Variants in NXN observed in about 807,000 individuals in gnomAD.
NXN encodes the protein nucleoredoxin.
Under a neutral mutation model 48.6 loss-of-function variants are expected in NXN, and 16 were observed. That is an observed-to-expected ratio of 0.33 (90% confidence interval 0.22 to 0.50). The LOEUF is 0.50. Ranked by LOEUF, NXN falls within the 20% of genes least tolerant of loss-of-function variation. NXN has a pLI of 0.98. For missense variants in NXN, 492 were observed against 605.5 expected, an observed-to-expected ratio of 0.81 and a Z score of 1.97; for synonymous variants, 281 against 269.6, an observed-to-expected ratio of 1.04 and a Z score of -0.41.
At chr17:848,076 T>C (rs2067884359) in intron 1 of NXN, among the ~76,000 whole-genome samples, 2 of 151,916 alleles carry the variant, frequency 1.3e-5, no homozygotes, top group Non-Finnish European at 2.9e-5. Flanking sequence ...CTGTGGTCCC[T>C]GACACCCTCA....
chr17:904,095 T>G (rs921661282), intron 1 of NXN, among the ~76,000 whole-genome samples: 3 of 152,214 alleles, frequency 2.0e-5, no homozygotes, highest in Non-Finnish European at 4.4e-5. Flanking sequence ...TCATGTAGAA[T>G]TCCTGCCAAG....
chr17:943,695 G>A (rs780509949), intron 1 of NXN, among the ~76,000 whole-genome samples: 99 of 151,532 alleles, frequency 6.5e-4, no homozygotes, highest in Non-Finnish European at 1.1e-3. Flanking sequence ...GGTGATGCAC[G>A]CCTGTAATCC....
At chr17:804,938 G>A in intron 6 of NXN, 130 bp downstream of exon 6, 2 of 979,796 alleles carry the variant, frequency 2.0e-6, no homozygotes, top group Non-Finnish European at 3.1e-6. Context: ...AGGCTTCAGG[G>A]AGAGACAAAG....
In NXN at chr17:919,929, T is replaced by C. The variant is rs1023641167; in HGVS notation, c.360+59390A>G. On this transcript the variant is annotated intron_variant, in intron 1 of 7. Transcript: ENST00000336868. This position sits in a 1 kb window ranked among gnomAD's most constrained non-coding sequence, Gnocchi z 5.1. Reference sequence around the variant, plus strand: ...CCAGGCCATGGCGGAAAATGTACCTTCCATCTCTCTCTGCCTCAGCCCCCA... The same window carrying C: ...CCAGGCCATGGCGGAAAATGTACCTCCCATCTCTCTCTGCCTCAGCCCCCA... Among the ~76,000 whole-genome samples, 4 of 151,982 alleles carry C rather than the reference T, an allele frequency of 2.6e-5. No homozygotes were observed. The highest frequency in any genetic ancestry group is 9.7e-5 in the African/African-American group (4 of 41,380).
intron 1 of NXN, among the ~76,000 whole-genome samples, chr17:852,315 T>A (rs1280905027): frequency 2.0e-5 from 3 of 152,040 alleles, no homozygotes; most frequent in Non-Finnish European, 2.9e-5. Flanking sequence ...AGTCGGGGCG[T>A]CTCCAGCAGG....
At chr17:847,461 C>T (rs1230446949) in intron 1 of NXN, among the ~76,000 whole-genome samples, 3 of 152,108 alleles carry the variant, frequency 2.0e-5, no homozygotes, top group Admixed American at 6.6e-5. Context: ...GAGCCTGGCA[C>T]GTGAAGGCTT....
intron 1 of NXN, among the ~76,000 whole-genome samples, chr17:889,381 G>A (rs931271366): frequency 6.6e-6 from 1 of 152,236 alleles, no homozygotes; most frequent in Admixed American, 6.5e-5. Flanking sequence ...AAGACCACAG[G>A]AAGGTAGAAA....
intron 5 of NXN, among the ~76,000 whole-genome samples, chr17:818,870 G>A (rs545485121): frequency 1.4e-5 from 2 of 146,260 alleles, no homozygotes; most frequent in East Asian, 3.9e-4. Context: ...GGGCAACAGA[G>A]TGAGACTCCG....
chr17:883,766 CG>C (rs1597692227), intron 1 of NXN, among the ~76,000 whole-genome samples: 1 of 152,296 alleles, frequency 6.6e-6, no homozygotes, highest in Non-Finnish European at 1.5e-5. Context: ...GCAGCAAAGC[CG>C]CAAGATCTAA....
intron 1 of NXN, among the ~76,000 whole-genome samples, chr17:954,506 G>A (rs2069145203): frequency 2.0e-5 from 3 of 152,200 alleles, no homozygotes; most frequent in Admixed American, 1.3e-4. Context: ...GCACGTGTCC[G>A]GGGCTGTCCT....
At position 849,887 on chromosome 17, in the gene NXN, C is replaced by T. The variant is rs764863195; in HGVS notation, c.361-23809G>A. ...GAGAGACACCAGAGTCAGAGAGGAG[C>T]GAACGAGAGAAGCTGCAGAGCCCCC... On this transcript the variant is annotated intron_variant, in intron 1 of 7. Transcript: ENST00000336868. This position sits in a 1 kb window ranked among gnomAD's most constrained non-coding sequence, Gnocchi z 4.2. Among the ~76,000 whole-genome samples, 3 of 152,044 alleles carry T rather than the reference C, an allele frequency of 2.0e-5. No individual in the cohort carries two copies. Among genetic ancestry groups the T allele is most frequent in the South Asian group, 2.1e-4 (1 of 4,816 alleles).
intron 1 of NXN, among the ~76,000 whole-genome samples, chr17:879,583 G>A (rs555907891): frequency 3.3e-5 from 5 of 152,106 alleles, no homozygotes; most frequent in South Asian, 4.2e-4. Flanking sequence ...CACCGCGCCC[G>A]GCCACGAGTC....
At position 841,484 on chromosome 17, in the gene NXN, CCCCT is replaced by C. The variant is rs1567827635; in HGVS notation, c.361-15410_361-15407del. ...GCATCTCACACGGGCGAGCAGGTCC[CCCCT>C]GACCACGGCGCATCTCACACGGGCG... On this transcript the variant is annotated intron_variant, in intron 1 of 7. Coordinates refer to ENST00000336868, the MANE Select transcript of NXN (RefSeq NM_022463.5). Among the ~76,000 whole-genome samples, 30 of 25,234 alleles carry C rather than the reference CCCCT, an allele frequency of 1.2e-3. No individual in the cohort carries two copies. The East Asian group carries it at 0.016, about 14-fold the overall frequency. 16.6% of individuals were successfully genotyped at this position (25,234 alleles called of 152,430 possible).
At position 952,171 on chromosome 17, in the gene NXN, C is replaced by T. The variant is rs528057718; in HGVS notation, c.360+27148G>A. On this transcript the variant is annotated intron_variant, in intron 1 of 7. Coordinates refer to ENST00000336868, the MANE Select transcript of NXN (RefSeq NM_022463.5). ...GAGGTTGCAGAAAATTCAGGTCACA[C>T]TGTGGGGGGGCTGGGGTCAGAGAGA... Among the ~76,000 whole-genome samples, 87 of 125,126 alleles carry T rather than the reference C, an allele frequency of 7.0e-4. 1 individual carries two copies. The highest frequency in any genetic ancestry group is 2.3e-3 in the African/African-American group (85 of 36,268). The allele number at this position is 125,126 out of a possible 152,430, so 82.1% of individuals were successfully genotyped here.
At chr17:968,953 G>GAAAGAA (rs1382727243) in intron 1 of NXN, among the ~76,000 whole-genome samples, 2 of 151,136 alleles carry the variant, frequency 1.3e-5, no homozygotes, top group Non-Finnish European at 2.9e-5. Flanking sequence ...AAGAAAGAAA[G>GAAAGAA]AAAGAAAAAG....
intron 1 of NXN, among the ~76,000 whole-genome samples, chr17:938,211 T>C (rs2068930918): frequency 1.3e-5 from 2 of 152,210 alleles, no homozygotes; most frequent in African/African-American, 4.8e-5. Context: ...GAACAAGCTT[T>C]CCACTTGGGC....
chr17:897,685 T>G (rs2068501193), intron 1 of NXN, among the ~76,000 whole-genome samples: 1 of 128,480 alleles, frequency 7.8e-6, no homozygotes, highest in Non-Finnish European at 1.8e-5. Context: ...TTTCTTTTAT[T>G]CTTTTTTCGA....
intron 1 of NXN, among the ~76,000 whole-genome samples, chr17:897,901 G>C (rs151079412): frequency 1.3e-5 from 2 of 152,130 alleles, no homozygotes; most frequent in African/African-American, 4.8e-5. Flanking sequence ...GGCTGGTCTC[G>C]AACTCCTCAC....
In NXN at chr17:822,441, C is replaced by T. The variant is rs1188786344; in HGVS notation, c.629G>A (p.Ser210Asn). The T allele has an allele frequency of 6.2e-7, 1 of 1,614,006 alleles. No homozygotes were observed. Among genetic ancestry groups the T allele is most frequent in the Admixed American group, 1.7e-5 (1 of 60,010 alleles). ...FSAHWCPPCR[S>N]LTRVLVESYR... ...GGATTCCACCAGGACCCGGGTGAGG[C>T]TTCGGCAGGGCGGACACTGAAAGAC... The change falls in exon 4 of 8, where the codon AGC becomes AAC. Residue 210 changes from serine to asparagine, a missense_variant. This residue lies in a region of NXN where 303 missense variants were observed against 388.3 expected (regional missense o/e 0.78). Coordinates refer to ENST00000336868, the MANE Select transcript of NXN (RefSeq NM_022463.5).
Sources: gnomAD v4.1 joint callset for allele counts (sites outside exome capture counted in the v4.1 genomes callset) on GRCh38, gnomAD v4.1.1 for gene constraint, gnomAD v4.1.1 regional missense constraint, Gnocchi (gnomAD v3.1) non-coding constraint, MANE v1.5 for transcripts, NCBI Gene and HGNC (gene_info 2026-07-23, HGNC 2026-07-21) for gene names.